Variants in PLPP4 observed in about 807,000 individuals in gnomAD.
PLPP4 encodes diacylglycerol pyrophosphate like 2.
In PLPP4, 20 loss-of-function variants were observed where a neutral mutation model predicts 32.2. That is an observed-to-expected ratio of 0.62 (90% confidence interval 0.44 to 0.90). PLPP4 has a LOEUF of 0.90. Among genes scored for constraint, PLPP4 ranks in the 40% least tolerant of loss-of-function variants. PLPP4 has a pLI of 0.00. For synonymous variants in PLPP4, 127 were observed against 133.0 expected (o/e 0.95, Z 0.31); for missense variants, 257 against 353.1 (o/e 0.73, Z 2.18).
At chr10:120,493,796 G>A (rs1844827754) in intron 1 of PLPP4, among the ~76,000 whole-genome samples, 1 of 152,132 alleles carries the variant, frequency 6.6e-6, no homozygotes, top group African/African-American at 2.4e-5. Flanking sequence ...CTCAACACTG[G>A]GCAGATGAGA....
At chr10:120,572,540 C>T (rs1331408898) in intron 5 of PLPP4, among the ~76,000 whole-genome samples, 1 of 152,262 alleles carries the variant, frequency 6.6e-6, no homozygotes, top group South Asian at 2.1e-4. Flanking sequence ...AAGGCTGCCT[C>T]TCCCCTGATT....
rs535512108 is a variant in PLPP4, at chr10:120,542,096, A to G, written c.445+21001A>G. On this transcript the variant is annotated intron_variant, in intron 5 of 6. Transcript: ENST00000398250. ...TAGGCCTCTGGAGGTGGCCACATGTAATGAGCACAGCAAGGCGCTGTTGCC... is the reference window on the plus strand; with the variant it reads ...TAGGCCTCTGGAGGTGGCCACATGTGATGAGCACAGCAAGGCGCTGTTGCC... Among the ~76,000 whole-genome samples the G allele has an allele frequency of 2.6e-5, 4 of 152,308 alleles. No homozygotes were observed. In the South Asian group the frequency reaches 6.2e-4, roughly 24 times the overall value.
At chr10:120,577,127 A>T (rs1849259608) in intron 6 of PLPP4, among the ~76,000 whole-genome samples, 2 of 152,224 alleles carry the variant, frequency 1.3e-5, no homozygotes, top group Admixed American at 1.3e-4. Context: ...GTTGCTTAGT[A>T]CATTTTTTCT....
chr10:120,504,360 A>T lies in PLPP4; in HGVS notation c.165+434A>T, dbSNP rs549648849. On this transcript the variant is annotated intron_variant, in intron 2 of 6. Coordinates refer to ENST00000398250, the MANE Select transcript of PLPP4 (RefSeq NM_001030059.3). ...AGTCTAAACTAATACCCGATTGGCT[A>T]ACAGCTGAAAACTTTCTTAAATAGG... Among the ~76,000 whole-genome samples the T allele has an allele frequency of 6.8e-4, 103 of 152,342 alleles. 1 individual carries two copies. Among genetic ancestry groups the T allele is most frequent in the African/African-American group, 2.4e-3 (98 of 41,590 alleles).
rs960264821 is a variant in PLPP4 at position 120,591,113 on chromosome 10, A to G, written c.*1611A>G. ...AGTTAGCATAACAGACTGCATTTTGAGAGACTCAGGTGGCTGCCTAAATGG... is the reference window on the plus strand; with the variant it reads ...AGTTAGCATAACAGACTGCATTTTGGGAGACTCAGGTGGCTGCCTAAATGG... On this transcript the variant is annotated 3_prime_UTR_variant, in exon 7 of 7. Transcript: ENST00000398250. Among the ~76,000 whole-genome samples, 2 of 152,134 alleles carry G rather than the reference A, an allele frequency of 1.3e-5. No homozygotes were observed. Among genetic ancestry groups the G allele is most frequent in the Admixed American group, 1.3e-4 (2 of 15,282 alleles).
intron 6 of PLPP4, among the ~76,000 whole-genome samples, chr10:120,579,256 C>T (rs1328658630): frequency 2.6e-5 from 4 of 152,072 alleles, no homozygotes; most frequent in Non-Finnish European, 5.9e-5. Flanking sequence ...TGGGTGCCTG[C>T]GTGGTGTTTC....
chr10:120,573,713 C>T (rs1849048248), intron 5 of PLPP4, among the ~76,000 whole-genome samples: 1 of 152,050 alleles, frequency 6.6e-6, no homozygotes, highest in Non-Finnish European at 1.5e-5. Flanking sequence ...ATGGACTTTC[C>T]AAGGTCTCTT....
intron 1 of PLPP4, among the ~76,000 whole-genome samples, chr10:120,462,973 A>G (rs571526180): frequency 1.3e-5 from 2 of 151,002 alleles, no homozygotes. Context: ...TATGTAATGA[A>G]TACATTCAGA....
chr10:120,531,175 G>A (rs114362630), intron 5 of PLPP4, among the ~76,000 whole-genome samples: 1,704 of 147,078 alleles, frequency 0.012, 25 homozygotes, highest in African/African-American at 0.038. Flanking sequence ...TGCAACCTCT[G>A]GCTCACTACA....
chr10:120,560,011 A>G (rs1848344168), intron 5 of PLPP4, among the ~76,000 whole-genome samples: 1 of 152,212 alleles, frequency 6.6e-6, no homozygotes, highest in Admixed American at 6.5e-5. Context: ...ATATCTACCT[A>G]AAACACCGTG....
chr10:120,585,130 G>A (rs1010676418), intron 6 of PLPP4, among the ~76,000 whole-genome samples: 1 of 152,222 alleles, frequency 6.6e-6, no homozygotes, highest in Non-Finnish European at 1.5e-5. Flanking sequence ...TACCTCATGG[G>A]ACTGTTTCCT....
rs933972164 is a variant in PLPP4, at chr10:120,589,420, C to T, written c.734C>T (p.Ala245Val). ...HKPYVSLRVP[A>V]SLKKEERPTA... is the part of the protein sequence containing the mutation. ...CCCTACGTTAGTCTGCGAGTCCCAGCCTCACTGAAGAAAGAGGAGAGGCCC... is the reference window on the plus strand; with the variant it reads ...CCCTACGTTAGTCTGCGAGTCCCAGTCTCACTGAAGAAAGAGGAGAGGCCC... Residue 245 changes from alanine to valine, a missense_variant, in exon 7 of 7, where the codon GCC becomes GTC. Physicochemically the swap from Ala to Val is moderately conservative, Grantham distance 64. Transcript: ENST00000398250. The T allele has an allele frequency of 6.2e-7, 1 of 1,614,080 alleles. No individual in the cohort carries two copies. The highest frequency in any genetic ancestry group is 8.5e-7 in the Non-Finnish European group (1 of 1,179,972).
At chr10:120,581,116 A>C (rs987389475) in intron 6 of PLPP4, 1 of 1,228,420 alleles carries the variant, frequency 8.1e-7, no homozygotes, top group Non-Finnish European at 1.0e-6. Context: ...AGGCATTCTC[A>C]GTCAGGACTT....
intron 1 of PLPP4, among the ~76,000 whole-genome samples, chr10:120,490,113 A>G (rs577588836): frequency 6.6e-6 from 1 of 152,176 alleles, no homozygotes; most frequent in East Asian, 1.9e-4. Flanking sequence ...TCTTAGGGAG[A>G]CTTAAAGTGA....
chr10:120,539,055 G>A (rs570468909), intron 5 of PLPP4, among the ~76,000 whole-genome samples: 3 of 152,010 alleles, frequency 2.0e-5, no homozygotes, highest in Non-Finnish European at 4.4e-5. Context: ...TATTTCCCAC[G>A]TGCTGTCAGA....
At chr10:120,538,501 C>T (rs1208320690) in intron 5 of PLPP4, among the ~76,000 whole-genome samples, 6 of 152,020 alleles carry the variant, frequency 3.9e-5, no homozygotes, top group Admixed American at 6.6e-5. Flanking sequence ...ATAGAAAAGG[C>T]GTTTCACGTT....
intron 4 of PLPP4, among the ~76,000 whole-genome samples, chr10:120,519,808 T>G (rs1846077351): frequency 6.6e-6 from 1 of 152,198 alleles, no homozygotes; most frequent in Non-Finnish European, 1.5e-5. Context: ...CAACATTAGC[T>G]AAACTTCACC....
chr10:120,478,660 C>T (rs1844044689), intron 1 of PLPP4, among the ~76,000 whole-genome samples: 1 of 152,228 alleles, frequency 6.6e-6, no homozygotes, highest in Non-Finnish European at 1.5e-5. Flanking sequence ...AGGTATGTCT[C>T]ATCTGGAATA....
intron 5 of PLPP4, among the ~76,000 whole-genome samples, chr10:120,551,243 G>T (rs1847887161): frequency 1.3e-5 from 2 of 152,092 alleles, no homozygotes; most frequent in Admixed American, 6.6e-5. Context: ...AATGTTGATG[G>T]GTATGGATTT....
Sources: gnomAD v4.1 joint callset for allele counts (sites outside exome capture counted in the v4.1 genomes callset) on GRCh38, gnomAD v4.1.1 for gene constraint, MANE v1.5 for transcripts, NCBI Gene and HGNC (gene_info 2026-07-23, HGNC 2026-07-21) for gene names.